Variants in TTC1 observed in about 807,000 individuals in gnomAD.
TTC1 encodes the protein tetratricopeptide repeat domain 1.
In TTC1, 31 loss-of-function variants were observed where a neutral mutation model predicts 37.6. That is an observed-to-expected ratio of 0.82 (90% CI 0.62 to 1.11). TTC1 has a LOEUF of 1.11. TTC1 is among the 50% of genes most tolerant of loss of function. The pLI, the probability that TTC1 is intolerant of heterozygous loss-of-function variation, is 0.00. For synonymous variants in TTC1, 127 were observed against 122.4 expected, an observed-to-expected ratio of 1.04 and a Z score of -0.25; for missense variants, 351 against 339.0, an observed-to-expected ratio of 1.04 and a Z score of -0.28.
At position 160,049,771 on chromosome 5, in the gene TTC1, G is replaced by A. The variant is rs1447605944; in HGVS notation, c.690+109G>A. On this transcript the variant is annotated intron_variant, in intron 6 of 7. Transcript: ENST00000231238. ...AATTAAATTCCATTTCTGTGCTTTT[G>A]AGGAGCTTATCAAGATATATGGGAG... 3 of 1,052,406 alleles carry A rather than the reference G, an allele frequency of 2.9e-6. No homozygotes were observed. The East Asian group carries it at 8.8e-5, about 31-fold the overall frequency. The allele number at this position is 1,052,406 out of a possible 1,614,324, so 65.2% of individuals were successfully genotyped here. A position where few individuals can be genotyped will look rare whatever the true frequency, so the allele number is the denominator to read the frequency against.
At chr5:160,029,723 T>C (rs751454828) in intron 2 of TTC1, among the ~76,000 whole-genome samples, 6 of 152,098 alleles carry the variant, frequency 3.9e-5, no homozygotes, top group Non-Finnish European at 7.4e-5. Context: ...TACAAAGATA[T>C]GGAGGTAGGC....
chr5:160,049,693 C>G (rs773768730), intron 6 of TTC1, 31 bp downstream of exon 6: 1 of 1,488,906 alleles, frequency 6.7e-7, no homozygotes, highest in African/African-American at 1.4e-5. Context: ...AATATTTTTC[C>G]TTCTATTCTT....
intron 6 of TTC1, among the ~76,000 whole-genome samples, 156 bp downstream of exon 6, chr5:160,049,818 C>G (rs1757354682): frequency 6.6e-6 from 1 of 152,140 alleles, no homozygotes. Context: ...TGGCTCTTGC[C>G]TGTAATCCCA....
At chr5:160,048,124 T>G (rs1263849450) in intron 5 of TTC1, among the ~76,000 whole-genome samples, 1 of 98,502 alleles carries the variant, frequency 1.0e-5, no homozygotes, top group Admixed American at 1.4e-4. Context: ...GCCAAGACAT[T>G]GCTTTTTTTT....
At chr5:160,020,175 C>T (rs892610984) in intron 2 of TTC1, among the ~76,000 whole-genome samples, 8 of 152,142 alleles carry the variant, frequency 5.3e-5, no homozygotes, top group East Asian at 1.9e-4. Context: ...GTGATCCGCC[C>T]GCCCCAGCCT....
chr5:160,060,705 C>T (rs1040100146), intron 7 of TTC1, among the ~76,000 whole-genome samples: 13 of 152,202 alleles, frequency 8.5e-5, no homozygotes, highest in Non-Finnish European at 1.6e-4. Context: ...GGCAGAAAAA[C>T]GTATGCATGT....
intron 2 of TTC1, among the ~76,000 whole-genome samples, chr5:160,029,138 A>T (rs990440334): frequency 2.0e-5 from 3 of 152,130 alleles, no homozygotes; most frequent in African/African-American, 7.2e-5. Context: ...TCTGAGAACC[A>T]GAGTTTTCAC....
intron 6 of TTC1, 46 bp from the exon 7 acceptor site, chr5:160,051,083 T>C: frequency 3.2e-5 from 1 of 31,608 alleles, no homozygotes; most frequent in Admixed American, 9.6e-4. Flanking sequence ...AAGGTTTTGG[T>C]TTTTTTTTTT....
rs563802594 is a variant in TTC1 at position 160,060,608 on chromosome 5, G to A, written c.746-4324G>A. On this transcript the variant is annotated intron_variant, in intron 7 of 7. Coordinates refer to ENST00000231238, the MANE Select transcript of TTC1 (RefSeq NM_003314.3). ...AATTTGACAGCCAGTGGAAAGTGTG[G>A]CAGATAGGCTAGTTTGGCACATGAT... 2.0e-5 allele frequency among the ~76,000 whole-genome samples: 3 copies of A among 152,312 alleles called. No individual in the cohort carries two copies. In the East Asian group the frequency reaches 5.8e-4, roughly 29 times the overall value.
chr5:160,042,003 T>TA (rs1368618852), intron 4 of TTC1, among the ~76,000 whole-genome samples: 1 of 152,052 alleles, frequency 6.6e-6, no homozygotes, highest in South Asian at 2.1e-4. Flanking sequence ...GAACTCAACT[T>TA]ACTGCAATCT....
In TTC1 at chr5:160,049,544, C is replaced by T; in HGVS notation, c.572C>T (p.Ala191Val). 3 of 1,589,592 alleles carry T rather than the reference C, an allele frequency of 1.9e-6. No individual in the cohort carries two copies. The highest frequency in any genetic ancestry group is 2.6e-6 in the Non-Finnish European group (3 of 1,170,724). Residue 191 changes from alanine (A) to valine (V), a missense_variant, in exon 6 of 8, where the codon GCA (alanine) becomes GTA (valine). Transcript: ENST00000231238. ...AIQLNPSYIRAILRRAELYEK... is the reference protein window; with the variant it reads ...AIQLNPSYIRVILRRAELYEK... ...CAATTAAACCCCAGCTATATCAGGG[C>T]AATATTGAGGAGAGCAGAGTTGTAT...
intron 5 of TTC1, among the ~76,000 whole-genome samples, chr5:160,045,884 G>A (rs1183606446): frequency 3.3e-5 from 5 of 151,746 alleles, no homozygotes; most frequent in African/African-American, 9.7e-5. Flanking sequence ...CTGGGACTAC[G>A]GGCGCATGCC....
At chr5:160,021,269 G>A (rs1338788348) in intron 2 of TTC1, among the ~76,000 whole-genome samples, 1 of 152,186 alleles carries the variant, frequency 6.6e-6, no homozygotes, top group East Asian at 1.9e-4. Flanking sequence ...CACACCATGG[G>A]AAACAGATCC....
At chr5:160,024,964 G>C (rs1756775085) in intron 2 of TTC1, among the ~76,000 whole-genome samples, 1 of 152,204 alleles carries the variant, frequency 6.6e-6, no homozygotes, top group South Asian at 2.1e-4. Flanking sequence ...AGCCTCCAGA[G>C]TAGCTGGGAC....
chr5:160,049,060 C>G, intron 5 of TTC1, among the ~76,000 whole-genome samples: 1 of 152,200 alleles, frequency 6.6e-6, no homozygotes, highest in East Asian at 1.9e-4. Flanking sequence ...GGAGTATAGA[C>G]CAGGATATGG....
At chr5:160,063,084 A>G (rs533791138) in intron 7 of TTC1, among the ~76,000 whole-genome samples, 15 of 152,286 alleles carry the variant, frequency 9.8e-5, no homozygotes, top group Admixed American at 7.2e-4. Flanking sequence ...CAGCCATCCC[A>G]GGTTCTGGGA....
chr5:160,061,487 A>G (rs1002028625), intron 7 of TTC1, among the ~76,000 whole-genome samples: 1 of 152,234 alleles, frequency 6.6e-6, no homozygotes, highest in African/African-American at 2.4e-5. Context: ...CACACATAGC[A>G]AGGTGCCACA....
At chr5:160,015,176 G>C (rs1182289316) in intron 2 of TTC1, among the ~76,000 whole-genome samples, 3 of 152,138 alleles carry the variant, frequency 2.0e-5, no homozygotes, top group African/African-American at 7.2e-5. Flanking sequence ...GAAAGGAGGA[G>C]GGCAAGTGCT....
In TTC1 at chr5:160,014,116, G is replaced by A. The variant is rs530834465; in HGVS notation, c.330+3258G>A. Among the ~76,000 whole-genome samples, 17 of 152,208 alleles carry A rather than the reference G, an allele frequency of 1.1e-4. No homozygotes were observed. The Middle Eastern group carries it at 0.01, about 91-fold the overall frequency. On this transcript the variant is annotated intron_variant, in intron 2 of 7. Transcript: ENST00000231238. Reference sequence around the variant, plus strand: ...ACCTATAATCCCAGCACTCTGGGAGGCTGAGGCAGGCAGATCACCTAAGGT... The same window carrying A: ...ACCTATAATCCCAGCACTCTGGGAGACTGAGGCAGGCAGATCACCTAAGGT...
Sources: allele counts gnomAD v4.1 joint callset (sites outside exome capture counted in the v4.1 genomes callset), GRCh38; gene constraint gnomAD v4.1.1; transcripts MANE v1.5; gene names NCBI Gene and HGNC (gene_info 2026-07-23, HGNC 2026-07-21).